The following MYOM2 variants were observed in gnomAD, a reference collection of about 807,000 sequenced individuals.
MYOM2 encodes myomesin 2, also known as myomesin-2.
MYOM2 carries 254 observed loss-of-function variants against 187.6 expected under a neutral mutation model. The observed-to-expected ratio is 1.35, with a 90% CI of 1.22 to 1.50. MYOM2 has a LOEUF of 1.50. MYOM2 is among the 40% of genes most tolerant of loss of function. MYOM2 has a pLI of 0.00. For missense variants in MYOM2, 2,796 were observed against 1,924.0 expected (o/e 1.45, Z -8.48); for synonymous variants, 981 against 753.8 (o/e 1.30, Z -4.94).
At chr8:2,061,003 C>T (rs1241885651) in intron 6 of MYOM2, among the ~76,000 whole-genome samples, 1 of 152,048 alleles carries the variant, frequency 6.6e-6, no homozygotes, top group Non-Finnish European at 1.5e-5. Flanking sequence ...CAGCAGGGTT[C>T]TGGCTGAAGG....
chr8:2,128,485 C>T (rs1017216360), intron 31 of MYOM2, among the ~76,000 whole-genome samples: 14 of 152,238 alleles, frequency 9.2e-5, no homozygotes, highest in Admixed American at 6.5e-5. Flanking sequence ...ACTTCCAGTT[C>T]AGAGCTTCTG....
intron 35 of MYOM2, 152 bp from the exon 36 acceptor site, chr8:2,143,249 A>G (rs1798340111): frequency 2.3e-6 from 2 of 859,532 alleles, no homozygotes; most frequent in Non-Finnish European, 1.9e-6. Flanking sequence ...CCTCAACTGT[A>G]AACATATAAA....
In MYOM2 at chr8:2,099,011, G is replaced by A. The variant is rs368760506; in HGVS notation, c.2440+28G>A. The A allele has an allele frequency of 6.8e-5, 108 of 1,578,552 alleles. 1 individual carries two copies. Among genetic ancestry groups the A allele is most frequent in the African/African-American group, 4.7e-4 (35 of 74,202 alleles). ...GAGTCGCTGCCCCCAGGACACCCGC[G>A]TTCCAGCGCACAGGCTGGCTGGGAA... On this transcript the variant is annotated intron_variant, in intron 19 of 36. Coordinates refer to ENST00000262113, the MANE Select transcript of MYOM2 (RefSeq NM_003970.4).
intron 13 of MYOM2, chr8:2,082,202 C>A (rs923762154): frequency 6.6e-6 from 1 of 152,162 alleles, no homozygotes; most frequent in Non-Finnish European, 1.5e-5. Flanking sequence ...TGAAATTCTG[C>A]TGTGTTGATA....
At chr8:2,141,087 A>T (rs1274336748) in intron 33 of MYOM2, 54 bp from the exon 34 acceptor site, 10 of 1,545,984 alleles carry the variant, frequency 6.5e-6, no homozygotes, top group Non-Finnish European at 8.9e-6. Flanking sequence ...TTGAGTGAAT[A>T]AATAAAATCT....
chr8:2,060,439 G>A (rs1212514880), intron 6 of MYOM2, among the ~76,000 whole-genome samples: 2 of 152,152 alleles, frequency 1.3e-5, no homozygotes, highest in Non-Finnish European at 2.9e-5. Flanking sequence ...AACGGGAGGT[G>A]TGGGGTGTGT....
chr8:2,096,800 G>A (rs958934132), intron 18 of MYOM2, among the ~76,000 whole-genome samples: 2 of 152,182 alleles, frequency 1.3e-5, no homozygotes, highest in African/African-American at 2.4e-5. Context: ...CACGCTGAAT[G>A]TCTGTTTAGG....
In MYOM2 at chr8:2,096,133, C is replaced by A. The variant is rs878871597; in HGVS notation, c.2126-114C>A. 2.1e-4 allele frequency: 199 copies of A among 966,268 alleles called. 3 individuals carry two copies. In the South Asian group the frequency reaches 3.0e-3, roughly 14 times the overall value. The allele number at this position is 966,268 out of a possible 1,614,324, so 59.9% of individuals were successfully genotyped here. A position where few individuals can be genotyped will look rare whatever the true frequency, so the allele number is the denominator to read the frequency against. The stretch of plus-strand genomic sequence containing the variant: ...GAGAGGGATCAGAGGGCACAGTGTT[C>A]AGGCCCGTCTCCACGTTGCTTCCTC... On this transcript the variant is annotated intron_variant, in intron 17 of 36. Coordinates refer to ENST00000262113, the MANE Select transcript of MYOM2 (RefSeq NM_003970.4).
At chr8:2,143,357 C>T (rs775982644) in intron 35 of MYOM2, 44 bp from the exon 36 acceptor site, 30 of 1,612,184 alleles carry the variant, frequency 1.9e-5, no homozygotes, top group South Asian at 1.8e-4. Context: ...TCCGTGGGAA[C>T]GTCCCGCAGA....
At chr8:2,122,255 A>T (rs557805239) in intron 28 of MYOM2, among the ~76,000 whole-genome samples, 232 of 152,350 alleles carry the variant, frequency 1.5e-3, no homozygotes, top group African/African-American at 5.3e-3. Context: ...AAGATTTGTT[A>T]TAAAGGAGTG....
chr8:2,139,339 C>A lies in MYOM2; in HGVS notation c.3801-1384C>A, dbSNP rs183754728. On this transcript the variant is annotated intron_variant, in intron 32 of 36. Coordinates refer to ENST00000262113, the MANE Select transcript of MYOM2 (RefSeq NM_003970.4). The stretch of plus-strand genomic sequence containing the variant: ...TTATTTTTGTTGAGACAGGGTCTTG[C>A]TTTGTTTTCCAGGCTGGTCTCCAAC... 2.9e-3 allele frequency among the ~76,000 whole-genome samples: 437 copies of A among 151,684 alleles called. 4 individuals are homozygous for A. The highest frequency in any genetic ancestry group is 0.01 in the African/African-American group (427 of 41,294).
chr8:2,056,334 A>G (rs1818662394), intron 3 of MYOM2, among the ~76,000 whole-genome samples: 1 of 152,166 alleles, frequency 6.6e-6, no homozygotes, highest in South Asian at 2.1e-4. Context: ...GGGGAGCAGA[A>G]CAGCGAGCGT....
At position 2,117,907 on chromosome 8, in the gene MYOM2, G is replaced by T; in HGVS notation, c.3408G>T (p.Leu1136Phe). 6.2e-7 allele frequency: 1 copy of T among 1,612,356 alleles called. No homozygotes were observed. Among genetic ancestry groups the T allele is most frequent in the African/African-American group, 1.3e-5 (1 of 74,778 alleles). ...RKQGPHFAEY[L>F]HWDVTEECEV... Reference sequence around the variant, plus strand: ...TAGGCCCTCATTTTGCTGAGTACTTGCACTGGGATGTCACGGAAGAATGTG... The same window carrying T: ...TAGGCCCTCATTTTGCTGAGTACTTTCACTGGGATGTCACGGAAGAATGTG... Residue 1136 changes from leucine (L) to phenylalanine (F), a missense_variant, in exon 28 of 37, where the codon TTG (leucine) becomes TTT (phenylalanine). Transcript: ENST00000262113.
At position 2,144,873 on chromosome 8, in the gene MYOM2, C is replaced by T. The variant is rs558116342; in HGVS notation, c.4290C>T (p.Asp1430=). ...ATAAGTATGGCGGGGAGAAGATCGA[C>T]GTGACAGTGAGCGTGTACAAACACG... ...IKNKYGGEKI[D]VTVSVYKHGE... is the part of the protein sequence containing the mutation. Residue 1430 remains aspartate (D), a synonymous_variant, in exon 37 of 37, where the codon GAC becomes GAT. Transcript: ENST00000262113. 1.9e-5 allele frequency: 30 copies of T among 1,614,058 alleles called. No homozygotes were observed. The Middle Eastern group carries it at 1.5e-3, about 80-fold the overall frequency.
At chr8:2,058,146 G>A (rs1167535274) in intron 5 of MYOM2, among the ~76,000 whole-genome samples, 1 of 151,612 alleles carries the variant, frequency 6.6e-6, no homozygotes, top group African/African-American at 2.4e-5. Context: ...AGCCTCCTGA[G>A]TAGCTGGGAC....
At chr8:2,107,922 T>C (rs991320142) in intron 23 of MYOM2, among the ~76,000 whole-genome samples, 7 of 152,216 alleles carry the variant, frequency 4.6e-5, no homozygotes, top group African/African-American at 1.7e-4. Flanking sequence ...TCTCTTATAT[T>C]GTGTATAGAC....
intron 14 of MYOM2, 81 bp from the exon 15 acceptor site, chr8:2,089,927 C>G: frequency 1.4e-6 from 2 of 1,388,516 alleles, no homozygotes; most frequent in Non-Finnish European, 1.0e-6. Flanking sequence ...ATAGCGAGAA[C>G]AGAGCATTTC....
chr8:2,134,617 G>A (rs34826206), intron 32 of MYOM2, among the ~76,000 whole-genome samples: 15,438 of 151,916 alleles, frequency 0.1, 1,236 homozygotes, highest in African/African-American at 0.2. Flanking sequence ...GCTGGGAGGC[G>A]CTGGCCTCTC....
Position 2,072,523 on chromosome 8 carries a change from G to T in MYOM2, c.958+14G>T. The stretch of plus-strand genomic sequence containing the variant: ...GGTACCGCGATGGTGAGTAGGACAC[G>T]GCCCAGACCCGGGCACACACCAGGA... On this transcript the variant is annotated intron_variant, in intron 9 of 36. Transcript: ENST00000262113. 1 of 1,607,914 alleles carries T rather than the reference G, an allele frequency of 6.2e-7. No individual in the cohort carries two copies. Among genetic ancestry groups the T allele is most frequent in the Non-Finnish European group, 8.5e-7 (1 of 1,177,836 alleles).
Sources: allele counts gnomAD v4.1 joint callset (sites outside exome capture counted in the v4.1 genomes callset), GRCh38; gene constraint gnomAD v4.1.1; transcripts MANE v1.5; gene names NCBI Gene and HGNC (gene_info 2026-07-23, HGNC 2026-07-21).